The following MTX2 variants were observed in gnomAD, a reference collection of about 807,000 sequenced individuals.
The protein encoded by MTX2 is metaxin-2.
A neutral mutation model predicts 42.3 loss-of-function variants in MTX2; 35 were observed. The ratio of observed to expected loss-of-function variants is 0.83; its 90% CI spans 0.63 to 1.10. MTX2 has a LOEUF of 1.10. Among genes scored for constraint, MTX2 ranks in the 50% least tolerant of loss-of-function variants. The pLI is 0.00. For missense variants in MTX2, 307 were observed against 304.1 expected (o/e 1.01, Z -0.07); for synonymous variants, 119 against 100.9 (o/e 1.18, Z -1.08).
intron 9 of MTX2, 22 bp from the exon 10 acceptor site, chr2:176,337,471 T>G: frequency 6.4e-7 from 1 of 1,557,938 alleles, no homozygotes; most frequent in Non-Finnish European, 8.7e-7. Context: ...CTTACTCACA[T>G]TACTCTCATT....
intron 1 of MTX2, among the ~76,000 whole-genome samples, chr2:176,289,825 A>G (rs1388977036): frequency 6.6e-6 from 1 of 152,106 alleles, no homozygotes; most frequent in Admixed American, 6.6e-5. Flanking sequence ...AATGATGCCT[A>G]TATAAAATTT....
At chr2:176,274,099 A>G (rs955543411) in intron 1 of MTX2, among the ~76,000 whole-genome samples, 2 of 151,810 alleles carry the variant, frequency 1.3e-5, no homozygotes, top group Admixed American at 1.3e-4. Flanking sequence ...TCTACCTGAC[A>G]TTTTTTTCCT....
In MTX2 at chr2:176,328,280, A is replaced by T. The variant is rs1684764195; in HGVS notation, c.286-13A>T. 2 of 1,510,508 alleles carry T rather than the reference A, an allele frequency of 1.3e-6. No homozygotes were observed. Among genetic ancestry groups the T allele is most frequent in the East Asian group, 2.4e-5 (1 of 42,400 alleles). 93.6% of individuals were successfully genotyped at this position (1,510,508 alleles called of 1,614,324 possible). On this transcript the variant is annotated splice_polypyrimidine_tract_variant and intron_variant, in intron 5 of 9. Coordinates refer to ENST00000249442, the MANE Select transcript of MTX2 (RefSeq NM_006554.5). ...ATATGATGTTCTTTTAAATTTTTTTAAATTCCCTTTAGGGCCATTCTCTTA... is the reference window on the plus strand; with the variant it reads ...ATATGATGTTCTTTTAAATTTTTTTTAATTCCCTTTAGGGCCATTCTCTTA...
chr2:176,277,821 C>G (rs1047137369), intron 1 of MTX2, among the ~76,000 whole-genome samples: 3 of 151,582 alleles, frequency 2.0e-5, no homozygotes, highest in Non-Finnish European at 1.5e-5. Context: ...CCGACCGTCA[C>G]GTTTAAGAGA....
intron 1 of MTX2, 115 bp downstream of exon 1, chr2:176,269,784 G>A: frequency 7.9e-7 from 1 of 1,262,170 alleles, no homozygotes; most frequent in South Asian, 1.5e-5. Context: ...AACCCGGCCC[G>A]GATGGTGGAG....
intron 8 of MTX2, among the ~76,000 whole-genome samples, 171 bp from the exon 9 acceptor site, chr2:176,330,413 T>C (rs894172564): frequency 4.0e-5 from 6 of 149,864 alleles, no homozygotes; most frequent in Non-Finnish European, 7.5e-5. Context: ...GTATTTCTTA[T>C]ATAGAAAGTA....
chr2:176,271,554 C>G (rs1193069905), intron 1 of MTX2, among the ~76,000 whole-genome samples: 1 of 152,100 alleles, frequency 6.6e-6, no homozygotes, highest in Non-Finnish European at 1.5e-5. Flanking sequence ...AAAAGATGTT[C>G]TCTGTCCCTA....
chr2:176,293,168 G>A (rs1693364759), intron 1 of MTX2, among the ~76,000 whole-genome samples: 1 of 152,132 alleles, frequency 6.6e-6, no homozygotes, highest in Admixed American at 6.6e-5. Context: ...TAAAGCATAA[G>A]TAAAAGCAAA....
In MTX2 at chr2:176,269,624, G is replaced by T; in HGVS notation, c.-6G>T. 1 of 1,591,182 alleles carries T rather than the reference G, an allele frequency of 6.3e-7. No homozygotes were observed. The highest frequency in any genetic ancestry group is 1.1e-5 in the South Asian group (1 of 87,732). On this transcript the variant is annotated 5_prime_UTR_variant, in exon 1 of 10. Coordinates refer to ENST00000249442, the MANE Select transcript of MTX2 (RefSeq NM_006554.5). ...AGGCACCCGGGCGCCGGGCCTCCCA[G>T]CCGACATGTCTCTAGTGGCGGAAGC...
At chr2:176,300,140 AC>A (rs1292928988) in intron 3 of MTX2, among the ~76,000 whole-genome samples, 1 of 83,166 alleles carries the variant, frequency 1.2e-5, no homozygotes, top group Non-Finnish European at 2.5e-5. Context: ...CACTAGAGAG[AC>A]AGAGAGAGAG....
chr2:176,296,060 G>T (rs1281432940), intron 1 of MTX2, among the ~76,000 whole-genome samples: 1 of 152,166 alleles, frequency 6.6e-6, no homozygotes, highest in Non-Finnish European at 1.5e-5. Flanking sequence ...TGCTTCTTAA[G>T]TGCAGTTGAT....
chr2:176,328,381 C>T lies in MTX2; in HGVS notation c.374C>T (p.Ala125Val). ...TTAGTCAACAATATGCTGTTGACTG[C>T]AGAGGTAAAATACTAGATGATACGG... Reference protein sequence around the residue: ...MELVNNMLLTAELYLQWCDEA... With the variant: ...MELVNNMLLTVELYLQWCDEA... Residue 125 changes from alanine (A) to valine (V), a missense_variant, in exon 6 of 10, where the codon GCA (alanine) becomes GTA (valine). By Grantham distance (64) the Ala-to-Val change is moderately conservative. Transcript: ENST00000249442. The T allele has an allele frequency of 6.5e-7, 1 of 1,549,182 alleles. No homozygotes were observed. The highest frequency in any genetic ancestry group is 8.7e-7 in the Non-Finnish European group (1 of 1,149,000).
intron 3 of MTX2, among the ~76,000 whole-genome samples, chr2:176,321,650 C>T (rs1490950350): frequency 1.3e-5 from 2 of 152,126 alleles, no homozygotes; most frequent in African/African-American, 4.8e-5. Context: ...ATCCTTTTTA[C>T]ATTCTAGTCA....
At chr2:176,293,661 C>A (rs1166928920) in intron 1 of MTX2, among the ~76,000 whole-genome samples, 1 of 152,156 alleles carries the variant, frequency 6.6e-6, no homozygotes, top group African/African-American at 2.4e-5. Context: ...TTGTAAGCTT[C>A]CTGCAGCTCT....
chr2:176,308,613 G>A (rs960886839), intron 3 of MTX2, among the ~76,000 whole-genome samples: 2 of 152,132 alleles, frequency 1.3e-5, no homozygotes, highest in African/African-American at 2.4e-5. Flanking sequence ...TCCTGGTTTA[G>A]TCTTGGGAGG....
intron 3 of MTX2, among the ~76,000 whole-genome samples, chr2:176,312,543 T>C (rs1411769458): frequency 2.0e-5 from 3 of 152,146 alleles, no homozygotes; most frequent in African/African-American, 7.2e-5. Context: ...ATTGAAAACA[T>C]AGAGCATATA....
chr2:176,282,494 C>T (rs1693103381), intron 1 of MTX2, among the ~76,000 whole-genome samples: 1 of 151,974 alleles, frequency 6.6e-6, no homozygotes, highest in African/African-American at 2.4e-5. Context: ...ATCTGGCATG[C>T]TTTGGATTAT....
At chr2:176,337,008 T>G (rs1338365179) in intron 9 of MTX2, among the ~76,000 whole-genome samples, 1 of 152,196 alleles carries the variant, frequency 6.6e-6, no homozygotes, top group African/African-American at 2.4e-5. Context: ...AATGGTGCAG[T>G]GTTTGCATGT....
At chr2:176,296,769 G>C in intron 1 of MTX2, 91 bp from the exon 2 acceptor site, 1 of 1,311,322 alleles carries the variant, frequency 7.6e-7, no homozygotes, top group East Asian at 2.3e-5. Flanking sequence ...GACTTTAAAT[G>C]CTGTAGGCAA....
Sources: gnomAD v4.1 joint callset for allele counts (sites outside exome capture counted in the v4.1 genomes callset) on GRCh38, gnomAD v4.1.1 for gene constraint, MANE v1.5 for transcripts, NCBI Gene and HGNC (gene_info 2026-07-23, HGNC 2026-07-21) for gene names.